The following DRC11 variants were observed in gnomAD, a reference collection of about 807,000 sequenced individuals.
DRC11 encodes dynein regulatory complex subunit 11.
chr2:236,416,734 TATATA>T, the DRC11 span, among the ~76,000 whole-genome samples: 1 of 49,184 alleles, frequency 2.0e-5, no homozygotes, highest in African/African-American at 7.9e-5. Context: ...TATATATATA[TATATA>T]TATATATATA....
At chr2:236,378,805 G>A in the DRC11 span, among the ~76,000 whole-genome samples, 1 of 151,966 alleles carries the variant, frequency 6.6e-6, no homozygotes, top group Non-Finnish European at 1.5e-5. Flanking sequence ...CGGTGTTTAC[G>A]CATGGACAGA....
chr2:236,450,890 T>G, the DRC11 span, among the ~76,000 whole-genome samples: 1 of 152,204 alleles, frequency 6.6e-6, no homozygotes, highest in South Asian at 2.1e-4. Context: ...ATTTTAATCC[T>G]AATGACTTTA....
chr2:236,368,149 C>A, the DRC11 span: 1 of 1,168,968 alleles, frequency 8.6e-7, no homozygotes, highest in Non-Finnish European at 1.3e-6. Context: ...GCAAGCGGTG[C>A]AAGCTGCTTT....
chr2:236,422,172 C>T, the DRC11 span, among the ~76,000 whole-genome samples: 3 of 152,172 alleles, frequency 2.0e-5, no homozygotes, highest in Admixed American at 2.0e-4. Context: ...TCTCTCACCA[C>T]TCATATTCAA....
the DRC11 span, among the ~76,000 whole-genome samples, chr2:236,450,602 G>T: frequency 1.3e-5 from 2 of 152,144 alleles, no homozygotes; most frequent in Admixed American, 1.3e-4. Context: ...ATAGGCGTGA[G>T]CCACAATGCC....
At chr2:236,347,167 G>A in the DRC11 span, among the ~76,000 whole-genome samples, 3 of 152,180 alleles carry the variant, frequency 2.0e-5, no homozygotes, top group Non-Finnish European at 4.4e-5. Context: ...CTCACCCTTC[G>A]TTCTGCTGAA....
chr2:236,497,206 A>G, the DRC11 span: 4 of 1,612,852 alleles, frequency 2.5e-6, no homozygotes, highest in Non-Finnish European at 3.4e-6. The surrounding 1 kb of genome is among the most constrained non-coding windows in gnomAD (Gnocchi z 5.1). Flanking sequence ...GAAATAATGG[A>G]ACTCCGTGAG....
At chr2:236,329,288 G>A in the DRC11 span, among the ~76,000 whole-genome samples, 1 of 152,198 alleles carries the variant, frequency 6.6e-6, no homozygotes, top group Non-Finnish European at 1.5e-5. Flanking sequence ...TCAGGTTCCA[G>A]GGATGAGGAT....
the DRC11 span, among the ~76,000 whole-genome samples, chr2:236,358,325 AATAT>A: frequency 2.2e-5 from 3 of 134,222 alleles, 1 homozygote; most frequent in South Asian, 2.1e-4. Flanking sequence ...ATACTATATG[AATAT>A]ATATGATATA....
At chr2:236,333,789 T>C in the DRC11 span, among the ~76,000 whole-genome samples, 1 of 152,188 alleles carries the variant, frequency 6.6e-6, no homozygotes, top group African/African-American at 2.4e-5. This position sits in a 1 kb window ranked among gnomAD's most constrained non-coding sequence, Gnocchi z 6.0. Context: ...GCAGGAGTAA[T>C]CACTCGATGA....
At chr2:236,452,353 C>A in the DRC11 span, among the ~76,000 whole-genome samples, 1 of 152,202 alleles carries the variant, frequency 6.6e-6, no homozygotes, top group Non-Finnish European at 1.5e-5. This position sits in a 1 kb window ranked among gnomAD's most constrained non-coding sequence, Gnocchi z 4.7. Context: ...TTCAGACTCA[C>A]AGGACAGAGA....
chr2:236,387,774 T>G, the DRC11 span, among the ~76,000 whole-genome samples: 1 of 152,172 alleles, frequency 6.6e-6, no homozygotes, highest in Non-Finnish European at 1.5e-5. Flanking sequence ...TCTTTACATT[T>G]TGGCATGATT....
chr2:236,419,301 T>A, the DRC11 span: 1 of 1,518,406 alleles, frequency 6.6e-7, no homozygotes. This position sits in a 1 kb window ranked among gnomAD's most constrained non-coding sequence, Gnocchi z 4.8. Context: ...TCATACCATT[T>A]TCATAGATCC....
At chr2:236,385,035 T>C in the DRC11 span, among the ~76,000 whole-genome samples, 2 of 151,990 alleles carry the variant, frequency 1.3e-5, no homozygotes, top group Non-Finnish European at 2.9e-5. Context: ...TGTTTTGGTA[T>C]CAGTACCATG....
the DRC11 span, among the ~76,000 whole-genome samples, chr2:236,437,395 T>A: frequency 6.6e-6 from 1 of 150,884 alleles, no homozygotes; most frequent in East Asian, 1.9e-4. Context: ...AATGCCACAA[T>A]AAACATACGT....
the DRC11 span, among the ~76,000 whole-genome samples, chr2:236,476,926 G>C: frequency 6.6e-6 from 1 of 151,972 alleles, no homozygotes; most frequent in African/African-American, 2.4e-5. The surrounding 1 kb of genome is among the most constrained non-coding windows in gnomAD (Gnocchi z 4.7). Context: ...AACAGGCCCC[G>C]GTGTGTGTTG....
the DRC11 span, among the ~76,000 whole-genome samples, chr2:236,357,291 TATTA>T: frequency 8.0e-5 from 9 of 112,782 alleles, no homozygotes; most frequent in African/African-American, 3.3e-4. Context: ...TATATTTATA[TATTA>T]TATATTCATA....
At chr2:236,342,456 C>A in the DRC11 span, among the ~76,000 whole-genome samples, 2 of 152,170 alleles carry the variant, frequency 1.3e-5, no homozygotes, top group East Asian at 1.9e-4. The surrounding 1 kb of genome is among the most constrained non-coding windows in gnomAD (Gnocchi z 5.8). Flanking sequence ...CCACCTGGGG[C>A]CCTGGTGGCA....
the DRC11 span, among the ~76,000 whole-genome samples, chr2:236,396,895 T>C: frequency 5.9e-5 from 9 of 152,294 alleles, no homozygotes; most frequent in South Asian, 2.1e-4. Context: ...GGCATTGCAC[T>C]GTGAGAAGCA....
Sources: gnomAD v4.1 joint callset for allele counts (sites outside exome capture counted in the v4.1 genomes callset) on GRCh38, gnomAD v4.1.1 for gene constraint, Gnocchi (gnomAD v3.1) non-coding constraint, MANE v1.5 for transcripts, NCBI Gene and HGNC (gene_info 2026-07-23, HGNC 2026-07-21) for gene names.